The following SLC25A12 variants were observed in gnomAD, a reference collection of about 807,000 sequenced individuals.
The protein encoded by SLC25A12 is solute carrier family 25 member 12, also known as electrogenic aspartate/glutamate antiporter SLC25A12, mitochondrial.
SLC25A12 carries 32 observed loss-of-function variants against 83.3 expected under a neutral mutation model. That is an observed-to-expected ratio of 0.38 (90% CI 0.29 to 0.52). The LOEUF (loss-of-function observed/expected upper bound fraction) is 0.52, where lower values mean the gene tolerates loss of function less well. Among genes scored for constraint, SLC25A12 ranks in the 20% least tolerant of loss-of-function variants. The pLI, the probability that SLC25A12 is intolerant of heterozygous loss-of-function variation, is 0.84. For synonymous variants in SLC25A12, 267 were observed against 291.1 expected (o/e 0.92, Z 0.84); for missense variants, 611 against 835.6 (o/e 0.73, Z 3.31).
intron 5 of SLC25A12, among the ~76,000 whole-genome samples, chr2:171,843,206 A>C (rs1684717028): frequency 6.6e-6 from 1 of 152,220 alleles, no homozygotes; most frequent in South Asian, 2.1e-4. Context: ...GAGCTCCAAG[A>C]AGATGAAATT....
intron 13 of SLC25A12, among the ~76,000 whole-genome samples, chr2:171,801,811 G>T (rs1172794468): frequency 6.6e-6 from 1 of 151,996 alleles, no homozygotes; most frequent in Non-Finnish European, 1.5e-5. Context: ...CATTCAGAAG[G>T]TTAGGTGTAT....
chr2:171,864,771 A>G (rs1349911388), intron 3 of SLC25A12, among the ~76,000 whole-genome samples: 1 of 152,116 alleles, frequency 6.6e-6, no homozygotes, highest in Non-Finnish European at 1.5e-5. Flanking sequence ...ACAGTTAACC[A>G]TGCTTTCTTG....
At chr2:171,843,135 T>G (rs1684714977) in intron 5 of SLC25A12, among the ~76,000 whole-genome samples, 1 of 152,178 alleles carries the variant, frequency 6.6e-6, no homozygotes, top group Non-Finnish European at 1.5e-5. Flanking sequence ...TTGTGCACTT[T>G]TAAATGATTA....
chr2:171,820,524 C>A (rs906107252), intron 9 of SLC25A12, among the ~76,000 whole-genome samples: 139 of 146,278 alleles, frequency 9.5e-4, no homozygotes, highest in Non-Finnish European at 1.7e-3. Flanking sequence ...GTCAGGAGAT[C>A]GAGACCATGC....
chr2:171,821,405 G>T (rs1342435252), intron 9 of SLC25A12, among the ~76,000 whole-genome samples: 3 of 152,152 alleles, frequency 2.0e-5, no homozygotes, highest in Non-Finnish European at 4.4e-5. Flanking sequence ...AGGTCACGGG[G>T]TATGTGTTTC....
At chr2:171,828,417 A>C (rs763447008) in intron 8 of SLC25A12, among the ~76,000 whole-genome samples, 2 of 152,194 alleles carry the variant, frequency 1.3e-5, no homozygotes, top group African/African-American at 2.4e-5. Context: ...ATGGCAAAGG[A>C]TATCTCTTAG....
At chr2:171,813,010 T>G (rs1365409718) in intron 11 of SLC25A12, among the ~76,000 whole-genome samples, 1 of 152,200 alleles carries the variant, frequency 6.6e-6, no homozygotes, top group Non-Finnish European at 1.5e-5. Flanking sequence ...TCTATATTTC[T>G]TAACTATCAT....
At position 171,837,085 on chromosome 2, in the gene SLC25A12, G is replaced by A. The variant is rs781191970; in HGVS notation, c.612+36C>T. On this transcript the variant is annotated intron_variant, in intron 6 of 17. Transcript: ENST00000422440. The stretch of plus-strand genomic sequence containing the variant: ...GGACTCAATGGATCAAAAGGTTTGA[G>A]GAAATAGAAAGTTAAAGAACTTGCT... 4.3e-6 allele frequency: 7 copies of A among 1,609,616 alleles called. No homozygotes were observed. The South Asian group carries it at 5.5e-5, about 13-fold the overall frequency.
At chr2:171,809,147 T>C (rs951129344) in intron 13 of SLC25A12, among the ~76,000 whole-genome samples, 13 of 152,346 alleles carry the variant, frequency 8.5e-5, no homozygotes, top group Admixed American at 6.5e-4. Context: ...CTATTGTGAA[T>C]AGTGCCACAA....
At chr2:171,876,288 G>T (rs770814128) in intron 2 of SLC25A12, among the ~76,000 whole-genome samples, 2 of 152,136 alleles carry the variant, frequency 1.3e-5, no homozygotes, top group Non-Finnish European at 2.9e-5. Context: ...CCATCCATAA[G>T]AAGTCAGTAC....
At chr2:171,819,226 T>C (rs1485171887) in intron 9 of SLC25A12, among the ~76,000 whole-genome samples, 2 of 133,362 alleles carry the variant, frequency 1.5e-5, no homozygotes, top group Non-Finnish European at 3.1e-5. Flanking sequence ...ATACATATTA[T>C]ATATGTATAT....
At position 171,893,255 on chromosome 2, in the gene SLC25A12, G is replaced by A. The variant is rs145411666; in HGVS notation, c.16C>T (p.Gln6Ter). The part of the protein sequence containing the change: MAVKV[Q>*]TTKRGDPHEL... Reference sequence around the variant, plus strand: ...TGAGGATCCCCTCGCTTAGTTGTCTGCACCTGTAAGCAAAAAAGAAAAAAA... The same window carrying A: ...TGAGGATCCCCTCGCTTAGTTGTCTACACCTGTAAGCAAAAAAGAAAAAAA... The change falls in exon 2 of 18, where the codon CAG (glutamine) becomes TAG (stop). Residue 6 changes from glutamine (Q) to a stop codon, truncating the protein, a stop_gained. Coordinates refer to ENST00000422440, the MANE Select transcript of SLC25A12 (RefSeq NM_003705.5). LOFTEE classifies it high-confidence loss of function. 1 of 1,613,700 alleles carries A rather than the reference G, an allele frequency of 6.2e-7. No individual in the cohort carries two copies. Among genetic ancestry groups the A allele is most frequent in the Non-Finnish European group, 8.5e-7 (1 of 1,179,864 alleles).
intron 6 of SLC25A12, among the ~76,000 whole-genome samples, chr2:171,835,668 T>C (rs376644687): frequency 2.6e-5 from 4 of 152,252 alleles, no homozygotes; most frequent in Admixed American, 1.3e-4. Flanking sequence ...GGAACCCATA[T>C]GATTGAAAAC....
intron 13 of SLC25A12, among the ~76,000 whole-genome samples, chr2:171,805,204 G>A (rs1035886038): frequency 5.9e-5 from 9 of 151,796 alleles, no homozygotes; most frequent in Admixed American, 1.3e-4. Flanking sequence ...CACCTCCTGG[G>A]TTCAAGCGAT....
At chr2:171,815,312 T>C (rs1684029506) in intron 9 of SLC25A12, 110 bp from the exon 10 acceptor site, 5 of 740,202 alleles carry the variant, frequency 6.8e-6, no homozygotes, top group Non-Finnish European at 1.2e-5. Context: ...AAAAGTGATA[T>C]TGTTAATGCA....
chr2:171,861,599 G>A (rs944083406), intron 3 of SLC25A12, among the ~76,000 whole-genome samples: 12 of 152,022 alleles, frequency 7.9e-5, no homozygotes, highest in African/African-American at 2.9e-4. Context: ...GTATAGACGG[G>A]GTTTTGCTAT....
At chr2:171,883,782 A>T (rs1685748844) in intron 2 of SLC25A12, among the ~76,000 whole-genome samples, 1 of 152,134 alleles carries the variant, frequency 6.6e-6, no homozygotes, top group Non-Finnish European at 1.5e-5. Flanking sequence ...TGATTTAAAA[A>T]ATGATGGCCC....
chr2:171,790,871 C>T (rs1683437714), intron 15 of SLC25A12, among the ~76,000 whole-genome samples: 1 of 152,048 alleles, frequency 6.6e-6, no homozygotes, highest in Admixed American at 6.6e-5. Flanking sequence ...ACCACTACAC[C>T]TGGCTAATGA....
intron 2 of SLC25A12, among the ~76,000 whole-genome samples, chr2:171,877,651 CAGA>C (rs1211349612): frequency 2.1e-5 from 3 of 144,576 alleles, no homozygotes; most frequent in South Asian, 4.4e-4. Flanking sequence ...CCTGGGCGAC[CAGA>C]AGAAGACTCC....
Sources: gnomAD v4.1 joint callset for allele counts (sites outside exome capture counted in the v4.1 genomes callset) on GRCh38, gnomAD v4.1.1 for gene constraint, MANE v1.5 for transcripts, NCBI Gene and HGNC (gene_info 2026-07-23, HGNC 2026-07-21) for gene names.